Variants in RNF123 observed in about 807,000 individuals in gnomAD.
RNF123 encodes the protein E3 ubiquitin-protein ligase RNF123.
RNF123 carries 86 observed loss-of-function variants against 168.5 expected under a neutral mutation model. That is an observed-to-expected ratio of 0.51 (90% CI 0.43 to 0.61). RNF123 has a LOEUF of 0.61. RNF123 is among the 20% of genes least tolerant of loss of function. The pLI is 0.00. For missense variants in RNF123, 1,419 were observed against 1,729.7 expected (o/e 0.82, Z 3.19); for synonymous variants, 666 against 689.1 (o/e 0.97, Z 0.52).
Position 49,701,802 on chromosome 3 carries a change from C to G in RNF123, c.1396-9C>G. 1 of 1,566,396 alleles carries G rather than the reference C, an allele frequency of 6.4e-7. No homozygotes were observed. The highest frequency in any genetic ancestry group is 8.7e-7 in the Non-Finnish European group (1 of 1,155,272). The stretch of plus-strand genomic sequence containing the variant: ...ACCCTGCTGTATTCCACCTGCTACC[C>G]CTGCCTAGGGCAAAGAGAGCACGGA... On this transcript the variant is annotated splice_polypyrimidine_tract_variant and intron_variant, in intron 16 of 38. Transcript: ENST00000327697.
At chr3:49,719,553 T>C (rs2080341195) in intron 35 of RNF123, 1 of 1,142,344 alleles carries the variant, frequency 8.8e-7, no homozygotes, top group African/African-American at 1.6e-5. Flanking sequence ...GCGACATGGG[T>C]GGCACCGGAT....
At chr3:49,718,520 G>T (rs762999839) in intron 35 of RNF123, 1 of 1,613,060 alleles carries the variant, frequency 6.2e-7, no homozygotes, top group Non-Finnish European at 8.5e-7. Flanking sequence ...AGAAGCTCCT[G>T]CTGCGGCGAA....
At chr3:49,698,204 G>C in intron 7 of RNF123, 67 bp downstream of exon 7, 1 of 1,410,948 alleles carries the variant, frequency 7.1e-7, no homozygotes, top group Non-Finnish European at 1.0e-6. Context: ...GGCCTCATCA[G>C]GTCTCCAGAT....
intron 3 of RNF123, among the ~76,000 whole-genome samples, chr3:49,693,797 T>C (rs1199354964): frequency 6.6e-6 from 1 of 152,134 alleles, no homozygotes; most frequent in Non-Finnish European, 1.5e-5. Context: ...TAAAAGCCAT[T>C]TTAGCTGGTG....
chr3:49,710,316 G>A (rs961516716), intron 26 of RNF123, among the ~76,000 whole-genome samples: 1 of 152,166 alleles, frequency 6.6e-6, no homozygotes, highest in African/African-American at 2.4e-5. Flanking sequence ...GTCTCGCTCT[G>A]TGGCACAGGC....
At chr3:49,719,257 T>C (rs2080330840) in intron 35 of RNF123, 3 of 1,613,304 alleles carry the variant, frequency 1.9e-6, no homozygotes, top group Non-Finnish European at 1.7e-6. Flanking sequence ...GAGCGCGTTG[T>C]GGCTCAGGTC....
intron 24 of RNF123, 72 bp downstream of exon 24, chr3:49,705,751 G>A: frequency 1.2e-6 from 2 of 1,600,658 alleles, no homozygotes; most frequent in Non-Finnish European, 1.7e-6. Flanking sequence ...ATTCCTGTGT[G>A]CACATGGGCC....
rs2080178217 is a variant in RNF123, at chr3:49,713,275, T to G, written c.2675-238T>G. On this transcript the variant is annotated intron_variant, in intron 27 of 38. Transcript: ENST00000327697. ...TCAGGTGTGTGTGCTGAGATGGGTT[T>G]GAGCCCAGGTCAGGGCTCCTGCCAG... 6.7e-6 allele frequency: 4 copies of G among 595,944 alleles called. No homozygotes were observed. The South Asian group carries it at 7.9e-5, about 12-fold the overall frequency. 36.9% of individuals were successfully genotyped at this position (595,944 alleles called of 1,614,324 possible).
rs1196542769 is a variant in RNF123, at chr3:49,716,379, C to T, written c.3416-14C>T. 6.2e-7 allele frequency: 1 copy of T among 1,612,368 alleles called. No individual in the cohort carries two copies. Among genetic ancestry groups the T allele is most frequent in the South Asian group, 1.1e-5 (1 of 90,952 alleles). On this transcript the variant is annotated splice_polypyrimidine_tract_variant and intron_variant, in intron 34 of 38. Coordinates refer to ENST00000327697, the MANE Select transcript of RNF123 (RefSeq NM_022064.5). Reference sequence around the variant, plus strand: ...CATGTGGGTGGCTCATCTCTTTCCTCCCCTTCCCCTCAGGCCTAGAGAGCG... The same window carrying T: ...CATGTGGGTGGCTCATCTCTTTCCTTCCCTTCCCCTCAGGCCTAGAGAGCG...
At chr3:49,715,118 A>G (rs1039161801) in intron 31 of RNF123, among the ~76,000 whole-genome samples, 4 of 152,248 alleles carry the variant, frequency 2.6e-5, no homozygotes, top group African/African-American at 9.6e-5. Context: ...CCTCGGCCAT[A>G]TGCCAAGGCC....
At chr3:49,697,551 G>T in intron 5 of RNF123, 94 bp downstream of exon 5, 1 of 1,045,398 alleles carries the variant, frequency 9.6e-7, no homozygotes, top group Non-Finnish European at 1.4e-6. Flanking sequence ...CTACTCATCT[G>T]ATGGGGCTGC....
chr3:49,691,925 A>G (rs4052555), intron 3 of RNF123, among the ~76,000 whole-genome samples: 1 of 152,178 alleles, frequency 6.6e-6, no homozygotes, highest in African/African-American at 2.4e-5. Context: ...TGTAGTCAGT[A>G]TAAAAGTTAC....
Position 49,705,009 on chromosome 3 carries a change from G to A in RNF123, c.1985G>A (p.Gly662Glu). Residue 662 changes from glycine to glutamate, a missense_variant, in exon 23 of 39, where the codon GGG becomes GAG. Physicochemically the swap from Gly to Glu is moderately conservative, Grantham distance 98 (BLOSUM62 -2). This residue lies in a region of RNF123 where 538 missense variants were observed against 708.8 expected (regional missense o/e 0.76). Transcript: ENST00000327697. ...AQRPMQALAV[G>E]GPLPLPRPGW... Reference sequence around the variant, plus strand: ...CGCCCCATGCAGGCCCTGGCTGTTGGGGGGCCACTGCCCCTGCCCCGGCCC... The same window carrying A: ...CGCCCCATGCAGGCCCTGGCTGTTGAGGGGCCACTGCCCCTGCCCCGGCCC... The A allele has an allele frequency of 1.2e-6, 2 of 1,607,954 alleles. No individual in the cohort carries two copies. Among genetic ancestry groups the A allele is most frequent in the Non-Finnish European group, 1.7e-6 (2 of 1,178,220 alleles).
intron 35 of RNF123, chr3:49,718,346 G>A (rs767878062): frequency 1.2e-6 from 2 of 1,613,376 alleles, no homozygotes; most frequent in Admixed American, 1.7e-5. Context: ...TCTGGGCGCG[G>A]AAAGTGCACG....
intron 5 of RNF123, 148 bp downstream of exon 5, chr3:49,697,605 A>C: frequency 1.4e-6 from 1 of 700,562 alleles, no homozygotes; most frequent in South Asian, 1.9e-5. Context: ...TTGTGTTCTC[A>C]GTCCTCAAAC....
Position 49,701,514 on chromosome 3 carries a change from T to A in RNF123, c.1301T>A (p.Val434Asp). 6.2e-7 allele frequency: 1 copy of A among 1,613,702 alleles called. No homozygotes were observed. Among genetic ancestry groups the A allele is most frequent in the Non-Finnish European group, 8.5e-7 (1 of 1,179,954 alleles). ...AGCTTCGACGTGCTCCGCTCCGTCG[T>A]CTTCTTTTACATCAAGAGCCCCCTG... ...NVLFDVLRSV[V>D]FFYIKSPLRV... The change falls in exon 16 of 39, where the codon GTC (valine) becomes GAC (aspartate). Residue 434 changes from valine (V) to aspartate (D), a missense_variant. Val to Asp is a radical substitution (Grantham distance 152). Transcript: ENST00000327697.
chr3:49,720,369 G>A (rs2080372971), intron 35 of RNF123, 142 bp from the exon 36 acceptor site: 2 of 777,556 alleles, frequency 2.6e-6, no homozygotes, highest in South Asian at 2.9e-5. Flanking sequence ...TACAGGACTT[G>A]GGGTTTGGGA....
At chr3:49,706,163 CCCCACTCTAG>C (rs2108190387) in intron 25 of RNF123, 98 bp downstream of exon 25, 1 of 1,094,940 alleles carries the variant, frequency 9.1e-7, no homozygotes, top group East Asian at 2.4e-5. Context: ...CAGTTCTCAT[CCCCACTCTAG>C]CCCTGGCCAT....
chr3:49,705,547 C>T lies in RNF123; in HGVS notation c.2172C>T (p.His724=), dbSNP rs1196506749. 1.3e-6 allele frequency: 2 copies of T among 1,598,474 alleles called. No individual in the cohort carries two copies. Among genetic ancestry groups the T allele is most frequent in the African/African-American group, 1.3e-5 (1 of 74,288 alleles). Residue 724 remains histidine (H), a synonymous_variant, in exon 24 of 39, where the codon CAC becomes CAT. Coordinates refer to ENST00000327697, the MANE Select transcript of RNF123 (RefSeq NM_022064.5). ...CCAACTCCCCAGTTGAAGGCAGCCA[C>T]TGGAATGAGGGCTTGCTGCTGGGGC... ...QRTREDIEGS[H]WNEGLLLGRP... is the part of the protein sequence containing the mutation.
Sources: gnomAD v4.1 joint callset for allele counts (sites outside exome capture counted in the v4.1 genomes callset) on GRCh38, gnomAD v4.1.1 for gene constraint, gnomAD v4.1.1 regional missense constraint, MANE v1.5 for transcripts, NCBI Gene and HGNC (gene_info 2026-07-23, HGNC 2026-07-21) for gene names.